The following ATP13A4 variants were observed in gnomAD, a reference collection of about 807,000 sequenced individuals.
ATP13A4 encodes the protein probable cation-transporting ATPase 13A4.
Under a neutral mutation model 142.5 loss-of-function variants are expected in ATP13A4, and 114 were observed. The observed-to-expected ratio is 0.80, with a 90% CI of 0.69 to 0.93. ATP13A4 has a LOEUF of 0.93. Among genes scored for constraint, ATP13A4 ranks in the 40% least tolerant of loss-of-function variants. ATP13A4 has a pLI of 0.00. For missense variants in ATP13A4, 1,392 were observed against 1,454.0 expected, an observed-to-expected ratio of 0.96 and a Z score of 0.69; for synonymous variants, 488 against 514.8, an observed-to-expected ratio of 0.95 and a Z score of 0.70.
intron 1 of ATP13A4, among the ~76,000 whole-genome samples, chr3:193,547,203 G>A (rs780138708): frequency 6.6e-6 from 1 of 152,110 alleles, no homozygotes; most frequent in African/African-American, 2.4e-5. Context: ...ATATAGTTTA[G>A]TCCTATTCCT....
At chr3:193,592,187 A>C (rs1041831409) in intron 1 of ATP13A4, among the ~76,000 whole-genome samples, 3 of 152,094 alleles carry the variant, frequency 2.0e-5, no homozygotes, top group Admixed American at 1.3e-4. Context: ...TGAAGTAAAG[A>C]GGATGCACAG....
At chr3:193,544,660 A>G (rs749938005) in intron 1 of ATP13A4, among the ~76,000 whole-genome samples, 8 of 152,218 alleles carry the variant, frequency 5.3e-5, no homozygotes, top group Non-Finnish European at 1.2e-4. Context: ...ATCACTTCTA[A>G]GCCCAAAAGA....
chr3:193,586,251 G>A (rs554279650), intron 1 of ATP13A4, among the ~76,000 whole-genome samples: 110 of 152,016 alleles, frequency 7.2e-4, no homozygotes, highest in Non-Finnish European at 1.3e-3. Context: ...TCAGATATAC[G>A]TTCTAAAAAT....
chr3:193,425,635 C>T (rs1192156679), intron 25 of ATP13A4, among the ~76,000 whole-genome samples: 1 of 151,660 alleles, frequency 6.6e-6, no homozygotes, highest in Non-Finnish European at 1.5e-5. Flanking sequence ...CATGACCTCA[C>T]TCATTTGTAG....
chr3:193,451,042 C>T (rs1717245021), intron 17 of ATP13A4, among the ~76,000 whole-genome samples: 1 of 152,162 alleles, frequency 6.6e-6, no homozygotes, highest in African/African-American at 2.4e-5. Flanking sequence ...TTCTCCTGTC[C>T]AGCCGGCTGT....
At chr3:193,579,821 T>G (rs1161785222) in intron 2 of ATP13A4, among the ~76,000 whole-genome samples, 1 of 152,196 alleles carries the variant, frequency 6.6e-6, no homozygotes, top group Non-Finnish European at 1.5e-5. Context: ...ATAGAATCAC[T>G]GAATGCACAC....
intron 1 of ATP13A4, among the ~76,000 whole-genome samples, chr3:193,582,609 G>A (rs1293160145): frequency 9.1e-6 from 1 of 109,450 alleles, no homozygotes; most frequent in Non-Finnish European, 1.7e-5. Flanking sequence ...TATATTACAT[G>A]TATATTATAT....
chr3:193,544,253 CA>C (rs1201916185), intron 1 of ATP13A4, among the ~76,000 whole-genome samples: 2 of 152,118 alleles, frequency 1.3e-5, no homozygotes, highest in Admixed American at 1.3e-4. Context: ...AGGATAAAGG[CA>C]AAAACTTTTA....
chr3:193,500,163 G>T (rs186863155), intron 3 of ATP13A4, among the ~76,000 whole-genome samples: 27 of 152,268 alleles, frequency 1.8e-4, no homozygotes, highest in Admixed American at 3.9e-4. Flanking sequence ...TTCAGACCAG[G>T]AAACAGCAAT....
chr3:193,428,631 G>C (rs1047528380), intron 25 of ATP13A4, among the ~76,000 whole-genome samples: 1 of 151,976 alleles, frequency 6.6e-6, no homozygotes, highest in Non-Finnish European at 1.5e-5. Flanking sequence ...ATGAGTTCAC[G>C]TCCTTTGTAG....
intron 1 of ATP13A4, among the ~76,000 whole-genome samples, chr3:193,535,110 AT>A (rs1395965321): frequency 6.6e-6 from 1 of 152,138 alleles, no homozygotes; most frequent in Non-Finnish European, 1.5e-5. Flanking sequence ...CTCTCTCTCA[AT>A]AATTCATAGA....
chr3:193,474,485 A>G (rs1458562948), intron 8 of ATP13A4, among the ~76,000 whole-genome samples: 1 of 151,216 alleles, frequency 6.6e-6, no homozygotes, highest in Non-Finnish European at 1.5e-5. Flanking sequence ...GCAGTGAGCT[A>G]TGACTGCACC....
intron 8 of ATP13A4, among the ~76,000 whole-genome samples, chr3:193,473,998 T>A (rs1353472542): frequency 6.6e-6 from 1 of 152,056 alleles, no homozygotes; most frequent in African/African-American, 2.4e-5. Context: ...CAGTCCTTCA[T>A]GTAGGAAAAT....
At position 193,514,682 on chromosome 3, in the gene ATP13A4, C is replaced by T; in HGVS notation, c.234+16G>A. 1 of 1,614,030 alleles carries T rather than the reference C, an allele frequency of 6.2e-7. No individual in the cohort carries two copies. The highest frequency in any genetic ancestry group is 1.1e-5 in the South Asian group (1 of 91,072). On this transcript the variant is annotated intron_variant, in intron 2 of 29. Coordinates refer to ENST00000342695, the MANE Select transcript of ATP13A4 (RefSeq NM_032279.4). Reference sequence around the variant, plus strand: ...CAAAAGGGGGGCACCAGCGACATAACCAGGTACACACTTACCGTTGTCCTC... The same window carrying T: ...CAAAAGGGGGGCACCAGCGACATAATCAGGTACACACTTACCGTTGTCCTC...
intron 16 of ATP13A4, among the ~76,000 whole-genome samples, chr3:193,456,397 G>A (rs1204779502): frequency 6.6e-6 from 1 of 152,208 alleles, no homozygotes; most frequent in African/African-American, 2.4e-5. Flanking sequence ...GGAGAATCAT[G>A]AGCTTAGGCA....
At position 193,466,097 on chromosome 3, in the gene ATP13A4, C is replaced by T. The variant is rs145321639; in HGVS notation, c.1200G>A (p.Arg400=). 1.3e-4 allele frequency: 207 copies of T among 1,614,014 alleles called. No individual in the cohort carries two copies. The highest frequency in any genetic ancestry group is 1.7e-4 in the Non-Finnish European group (201 of 1,180,012). Residue 400 remains arginine, a synonymous_variant, in exon 11 of 30, where the codon AGG becomes AGA. Coordinates refer to ENST00000342695, the MANE Select transcript of ATP13A4 (RefSeq NM_032279.4). ...CTGTTCCTACAAGGCACAGGAGGAA[C>T]CTGATGGCATCCCTGTACAACTGAA... ...VNFQLYRDAI[R]FLLCLVGTAT...
In ATP13A4 at chr3:193,465,068, C is replaced by T; in HGVS notation, c.1333G>A (p.Ala445Thr). 2 of 1,614,108 alleles carry T rather than the reference C, an allele frequency of 1.2e-6. No individual in the cohort carries two copies. The highest frequency in any genetic ancestry group is 2.2e-5 in the South Asian group (2 of 91,068). ...CCTGTGGTCAGAGCAGCAGGTAGAG[C>T]CGGAGGAACCGCAATTGTGATGACG... ...LDVITIAVPP[A>T]LPAALTTGII... is the part of the protein sequence containing the mutation. The change falls in exon 12 of 30, where the codon GCT becomes ACT. Residue 445 changes from alanine (A) to threonine (T), a missense_variant. Physicochemically the swap from Ala to Thr is moderately conservative, Grantham distance 58 (BLOSUM62 0). Coordinates refer to ENST00000342695, the MANE Select transcript of ATP13A4 (RefSeq NM_032279.4).
intron 1 of ATP13A4, chr3:193,581,962 GAAGC>G (rs1724555727): frequency 6.6e-6 from 1 of 151,918 alleles, no homozygotes; most frequent in African/African-American, 2.4e-5. Flanking sequence ...TGGTACAGCT[GAAGC>G]AAGGCTTCAG....
At chr3:193,462,663 A>AAAGTCC in intron 13 of ATP13A4, 99 bp downstream of exon 13, 3 of 1,196,768 alleles carry the variant, frequency 2.5e-6, no homozygotes, top group Non-Finnish European at 3.7e-6. Context: ...CACCAAAGCC[A>AAAGTCC]AAGTCCAAAT....
Sources: allele counts gnomAD v4.1 joint callset (sites outside exome capture counted in the v4.1 genomes callset), GRCh38; gene constraint gnomAD v4.1.1; transcripts MANE v1.5; gene names NCBI Gene and HGNC (gene_info 2026-07-23, HGNC 2026-07-21).